SHISA9: variants seen among roughly 807,000 people sequenced by gnomAD.
SHISA9 encodes the protein shisa family member 9.
SHISA9 carries 13 observed loss-of-function variants against 38.0 expected under a neutral mutation model. The observed-to-expected ratio is 0.34, with a 90% CI of 0.22 to 0.54. The LOEUF (loss-of-function observed/expected upper bound fraction) is 0.54, where lower values mean the gene tolerates loss of function less well. Among genes scored for constraint, SHISA9 ranks in the 20% least tolerant of loss-of-function variants. The probability of loss-of-function intolerance (pLI) is 0.91; values close to 1 mark genes in which losing one functional copy is unlikely to be tolerated. For missense variants in SHISA9, 538 were observed against 575.8 expected (o/e 0.93, Z 0.67); for synonymous variants, 275 against 242.0 (o/e 1.14, Z -1.27).
chr16:12,955,814 AC>A, intron 2 of SHISA9, among the ~76,000 whole-genome samples: 2 of 152,238 alleles, frequency 1.3e-5, no homozygotes, highest in South Asian at 4.2e-4. Flanking sequence ...CTAGAAGAAA[AC>A]CTAGGGAAAA....
chr16:13,098,295 A>G (rs74353641), intron 2 of SHISA9, among the ~76,000 whole-genome samples: 8,202 of 152,284 alleles, frequency 0.054, 357 homozygotes, highest in Admixed American at 0.14. Context: ...CTGGATTGCC[A>G]CGAATCCCAT....
intron 4 of SHISA9, among the ~76,000 whole-genome samples, chr16:13,233,329 G>A (rs2051350300): frequency 6.6e-6 from 1 of 151,482 alleles, no homozygotes; most frequent in Non-Finnish European, 1.5e-5. Flanking sequence ...AAGGAAGGAA[G>A]GAATCCTTCA....
the SHISA9 span, among the ~76,000 whole-genome samples, chr16:13,321,102 G>A: frequency 6.6e-6 from 1 of 152,174 alleles, no homozygotes; most frequent in Non-Finnish European, 1.5e-5. Context: ...TGTGGCTAAT[G>A]GTTACTACAT....
At chr16:13,453,152 T>A in the SHISA9 span, among the ~76,000 whole-genome samples, 1 of 152,076 alleles carries the variant, frequency 6.6e-6, no homozygotes, top group Non-Finnish European at 1.5e-5. Context: ...CCTCCCAAAG[T>A]GCTGGGATTA....
chr16:12,971,422 C>T (rs1166937385), intron 2 of SHISA9, among the ~76,000 whole-genome samples: 22 of 152,212 alleles, frequency 1.4e-4, no homozygotes, highest in Admixed American at 1.1e-3. Flanking sequence ...ACCCTCTTGT[C>T]TCTTGGCTGG....
chr16:13,029,706 A>C (rs1442797360), intron 2 of SHISA9, among the ~76,000 whole-genome samples: 1 of 152,266 alleles, frequency 6.6e-6, no homozygotes, highest in Non-Finnish European at 1.5e-5. Context: ...ACAGAAAGGC[A>C]GACATAATGT....
At chr16:13,371,156 T>A in the SHISA9 span, among the ~76,000 whole-genome samples, 1 of 152,214 alleles carries the variant, frequency 6.6e-6, no homozygotes, top group African/African-American at 2.4e-5. Context: ...GTTAGGTAAC[T>A]TATCCAAAAC....
intron 2 of SHISA9, among the ~76,000 whole-genome samples, chr16:13,030,817 A>G (rs935053725): frequency 2.6e-5 from 4 of 152,236 alleles, no homozygotes; most frequent in African/African-American, 9.6e-5. Flanking sequence ...AAAAGCATTT[A>G]TAGGAGAGGA....
chr16:13,550,345 G>T, the SHISA9 span, among the ~76,000 whole-genome samples: 3 of 152,204 alleles, frequency 2.0e-5, no homozygotes, highest in South Asian at 4.1e-4. Context: ...TAAACTAGAT[G>T]ATGCGTAAGT....
chr16:13,418,929 T>G, the SHISA9 span, among the ~76,000 whole-genome samples: 2 of 152,194 alleles, frequency 1.3e-5, no homozygotes, highest in Non-Finnish European at 2.9e-5. Context: ...GCCTGATTAA[T>G]GAGGCACAGG....
At chr16:13,371,388 G>A in the SHISA9 span, among the ~76,000 whole-genome samples, 1 of 152,154 alleles carries the variant, frequency 6.6e-6, no homozygotes, top group Non-Finnish European at 1.5e-5. Flanking sequence ...CCTGAAGTCT[G>A]AGATCCTCCA....
intron 2 of SHISA9, among the ~76,000 whole-genome samples, chr16:12,965,387 G>A (rs1427350890): frequency 6.6e-6 from 1 of 152,136 alleles, no homozygotes; most frequent in African/African-American, 2.4e-5. Flanking sequence ...CACTGTATTT[G>A]TTGGCAGTCA....
chr16:13,490,173 T>C, the SHISA9 span, among the ~76,000 whole-genome samples: 41 of 151,748 alleles, frequency 2.7e-4, no homozygotes, highest in Middle Eastern at 3.4e-3. Context: ...TAGGAACAGA[T>C]GATGTTGGCA....
the SHISA9 span, among the ~76,000 whole-genome samples, chr16:13,456,023 G>T: frequency 6.6e-5 from 10 of 152,212 alleles, no homozygotes; most frequent in Non-Finnish European, 1.0e-4. Context: ...GACCTGGCAG[G>T]TGTCTTGAGA....
intron 2 of SHISA9, among the ~76,000 whole-genome samples, chr16:12,963,406 G>A (rs1471561598): frequency 2.0e-5 from 3 of 152,174 alleles, no homozygotes; most frequent in African/African-American, 7.2e-5. Context: ...TGTAGCAAGA[G>A]ATGTGACACA....
chr16:13,092,166 T>C (rs1197908001), intron 2 of SHISA9, among the ~76,000 whole-genome samples: 1 of 152,134 alleles, frequency 6.6e-6, no homozygotes, highest in Non-Finnish European at 1.5e-5. Context: ...GAACAGCAAA[T>C]ATTGCTGCCT....
intron 2 of SHISA9, among the ~76,000 whole-genome samples, chr16:13,153,566 G>T (rs978347849): frequency 2.6e-5 from 4 of 152,108 alleles, no homozygotes; most frequent in Admixed American, 2.6e-4. Flanking sequence ...CAACAGAGAG[G>T]GTTCTCAAGC....
chr16:13,524,372 T>C, the SHISA9 span, among the ~76,000 whole-genome samples: 1 of 152,208 alleles, frequency 6.6e-6, no homozygotes, highest in Non-Finnish European at 1.5e-5. Context: ...ACTGGCCATA[T>C]ATGTCTGAGC....
the SHISA9 span, among the ~76,000 whole-genome samples, chr16:13,410,786 C>T: frequency 6.6e-6 from 1 of 152,094 alleles, no homozygotes; most frequent in African/African-American, 2.4e-5. Flanking sequence ...AAGTAAATTC[C>T]CTTTCACTGA....
Sources: gnomAD v4.1 joint callset for allele counts (sites outside exome capture counted in the v4.1 genomes callset) on GRCh38, gnomAD v4.1.1 for gene constraint, MANE v1.5 for transcripts, NCBI Gene and HGNC (gene_info 2026-07-23, HGNC 2026-07-21) for gene names.